Variants in LAMP3 observed in about 807,000 individuals in gnomAD.
The protein encoded by LAMP3 is lysosome associated membrane protein 3, also known as lysosome-associated membrane glycoprotein 3.
A neutral mutation model predicts 34.8 loss-of-function variants in LAMP3; 26 were observed. The observed-to-expected ratio is 0.75, with a 90% CI of 0.55 to 1.04. The LOEUF (loss-of-function observed/expected upper bound fraction) is 1.04. Among genes scored for constraint, LAMP3 ranks in the 50% least tolerant of loss-of-function variants. The pLI, the probability that LAMP3 is intolerant of heterozygous loss-of-function variation, is 0.00. For synonymous variants in LAMP3, 180 were observed against 201.9 expected (o/e 0.89, Z 0.92); for missense variants, 495 against 524.0 (o/e 0.94, Z 0.54).
chr3:183,158,413 T>C (rs1720881232), intron 1 of LAMP3, among the ~76,000 whole-genome samples: 1 of 152,000 alleles, frequency 6.6e-6, no homozygotes, highest in African/African-American at 2.4e-5. Flanking sequence ...AGCCCAGACT[T>C]TGTCTGGACC....
At chr3:183,131,889 A>AT in intron 5 of LAMP3, 2 of 977,142 alleles carry the variant, frequency 2.0e-6, no homozygotes, top group Non-Finnish European at 2.4e-6. Context: ...TTTTAATAGA[A>AT]TTTTTCCCTC....
chr3:183,153,526 A>T (rs1325418592), intron 2 of LAMP3, among the ~76,000 whole-genome samples, 156 bp downstream of exon 2: 1 of 152,240 alleles, frequency 6.6e-6, no homozygotes, highest in African/African-American at 2.4e-5. Flanking sequence ...ATCCTAAAAC[A>T]TAATCACCTT....
chr3:183,124,610 A>G (rs1355227440), intron 5 of LAMP3, among the ~76,000 whole-genome samples: 1 of 152,174 alleles, frequency 6.6e-6, no homozygotes, highest in African/African-American at 2.4e-5. Flanking sequence ...AGGCGGGCGG[A>G]TCATCTGATG....
chr3:183,134,481 G>A (rs933699977), intron 5 of LAMP3, among the ~76,000 whole-genome samples: 1 of 152,206 alleles, frequency 6.6e-6, no homozygotes. Context: ...AAGAGCAAGT[G>A]TGTACCTTTT....
intron 3 of LAMP3, among the ~76,000 whole-genome samples, chr3:183,147,776 A>C (rs928927212): frequency 1.3e-5 from 2 of 152,152 alleles, no homozygotes; most frequent in Admixed American, 6.5e-5. Flanking sequence ...GTGCAACGGC[A>C]CAATCATAGC....
At position 183,153,842 on chromosome 3, in the gene LAMP3, T is replaced by C; in HGVS notation, c.599A>G (p.Asn200Ser). 1 of 1,609,690 alleles carries C rather than the reference T, an allele frequency of 6.2e-7. No homozygotes were observed. The highest frequency in any genetic ancestry group is 2.2e-5 in the East Asian group (1 of 44,868). Residue 200 changes from asparagine to serine, a missense_variant, in exon 2 of 6, where the codon AAT (asparagine) becomes AGT (serine). Physicochemically the swap from Asn to Ser is conservative, Grantham distance 46. Coordinates refer to ENST00000265598, the MANE Select transcript of LAMP3 (RefSeq NM_014398.4). ...GGCAGGTGCAGCTGTGCGGGTGGTA[T>C]TGTGGGCAGCTGCCGTTGTTCCTGG... Reference protein sequence around the residue: ...HAPGTTAAAHNTTRTAAPAST... With the variant: ...HAPGTTAAAHSTTRTAAPAST...
rs1350246274 is a variant in LAMP3 at position 183,154,322 on chromosome 3, G to A, written c.119C>T (p.Thr40Ile). 1 of 1,613,822 alleles carries A rather than the reference G, an allele frequency of 6.2e-7. No individual in the cohort carries two copies. The highest frequency in any genetic ancestry group is 1.3e-5 in the African/African-American group (1 of 74,884). ...FPETRDYSQP[T>I]AAATVQDIKK... ...TATGTCCTGTACTGTTGCTGCTGCA[G>A]TAGGTTGAGAATAATCTCTGGTTTC... Residue 40 changes from threonine (T) to isoleucine (I), a missense_variant, in exon 2 of 6, where the codon ACT (threonine) becomes ATT (isoleucine). Coordinates refer to ENST00000265598, the MANE Select transcript of LAMP3 (RefSeq NM_014398.4).
In LAMP3 at chr3:183,154,151, G is replaced by T; in HGVS notation, c.290C>A (p.Thr97Asn). The change falls in exon 2 of 6, where the codon ACC becomes AAC. Residue 97 changes from threonine to asparagine, a missense_variant. Physicochemically the swap from Thr to Asn is moderately conservative, Grantham distance 65 (BLOSUM62 0). Transcript: ENST00000265598. ...TPATTKNTAT[T>N]SPITYTLVTT... ...GACCAGGGTGTAGGTAATTGGGCTG[G>T]TGGTTGCAGTGTTTTTTGTAGTCGC... 6.2e-7 allele frequency: 1 copy of T among 1,613,942 alleles called. No individual in the cohort carries two copies. Among genetic ancestry groups the T allele is most frequent in the Non-Finnish European group, 8.5e-7 (1 of 1,179,896 alleles).
chr3:183,138,848 G>T (rs565067232), intron 4 of LAMP3, among the ~76,000 whole-genome samples: 1 of 151,924 alleles, frequency 6.6e-6, no homozygotes, highest in Admixed American at 6.6e-5. Context: ...TTCTCTCTCC[G>T]GGCACACTGG....
In LAMP3 at chr3:183,123,522, GT is replaced by G. The variant is rs1719716005; in HGVS notation, c.*558del. 1 of 153,376 alleles carries G rather than the reference GT, an allele frequency of 6.5e-6. No homozygotes were observed. Among genetic ancestry groups the G allele is most frequent in the South Asian group, 2.0e-4 (1 of 4,918 alleles). 9.5% of individuals were successfully genotyped at this position (153,376 alleles called of 1,614,324 possible). On this transcript the variant is annotated 3_prime_UTR_variant, in exon 6 of 6. Coordinates refer to ENST00000265598, the MANE Select transcript of LAMP3 (RefSeq NM_014398.4). ...TGCCATAAGCCGAGATCGTGCCACT[GT>G]ACTCCAGCCTGGGTGACAAGAGTGA...
chr3:183,145,766 A>C (rs967650713), intron 3 of LAMP3, among the ~76,000 whole-genome samples: 44 of 152,300 alleles, frequency 2.9e-4, no homozygotes, highest in African/African-American at 1.0e-3. Context: ...CTGAGGCAGG[A>C]GAATCACTTG....
chr3:183,148,061 C>T (rs974324871), intron 3 of LAMP3, among the ~76,000 whole-genome samples: 2 of 152,086 alleles, frequency 1.3e-5, no homozygotes, highest in African/African-American at 4.8e-5. Context: ...CAAGAACATA[C>T]ATTGAGGAAA....
intron 3 of LAMP3, among the ~76,000 whole-genome samples, chr3:183,142,902 G>A (rs1185557317): frequency 2.6e-5 from 4 of 152,216 alleles, no homozygotes; most frequent in East Asian, 1.9e-4. Context: ...CTGTGAACCC[G>A]TCCCTGATGG....
intron 5 of LAMP3, among the ~76,000 whole-genome samples, chr3:183,125,768 C>T (rs538784692): frequency 4.3e-4 from 65 of 152,126 alleles, no homozygotes; most frequent in African/African-American, 1.5e-3. Flanking sequence ...TTTTTGCAGC[C>T]TGGAACTCCT....
chr3:183,149,907 G>A (rs1042993783), intron 3 of LAMP3, among the ~76,000 whole-genome samples: 2 of 151,976 alleles, frequency 1.3e-5, no homozygotes, highest in East Asian at 3.9e-4. Context: ...TTAATAAAAA[G>A]TAAATGCGTA....
In LAMP3 at chr3:183,122,817, T is replaced by C. The variant is rs1342630527; in HGVS notation, c.*1264A>G. 6.6e-6 allele frequency: 1 copy of C among 152,224 alleles called. No individual in the cohort carries two copies. The highest frequency in any genetic ancestry group is 1.9e-4 in the East Asian group (1 of 5,196). 9.4% of individuals were successfully genotyped at this position (152,224 alleles called of 1,614,324 possible). ...AACCCATTTCCCTGTAAGGTGAGCG[T>C]ATGCTGGTATGAGGTGTGAGCCTTC... On this transcript the variant is annotated 3_prime_UTR_variant, in exon 6 of 6. Coordinates refer to ENST00000265598, the MANE Select transcript of LAMP3 (RefSeq NM_014398.4).
At chr3:183,151,999 G>A (rs1456679740) in intron 3 of LAMP3, among the ~76,000 whole-genome samples, 3 of 152,202 alleles carry the variant, frequency 2.0e-5, no homozygotes, top group Non-Finnish European at 4.4e-5. Flanking sequence ...TCTGACATTT[G>A]ATTTCGGTTT....
At chr3:183,133,941 C>T (rs757274806) in intron 5 of LAMP3, among the ~76,000 whole-genome samples, 1 of 152,148 alleles carries the variant, frequency 6.6e-6, no homozygotes, top group Non-Finnish European at 1.5e-5. Flanking sequence ...CTTCTTTAGT[C>T]CACCCTCTCA....
At chr3:183,161,151 A>C (rs1173710255) in intron 1 of LAMP3, among the ~76,000 whole-genome samples, 2 of 152,148 alleles carry the variant, frequency 1.3e-5, no homozygotes, top group African/African-American at 4.8e-5. Flanking sequence ...CAGTGAGGGA[A>C]CTGAGCACCC....
Sources: gnomAD v4.1 joint callset for allele counts (sites outside exome capture counted in the v4.1 genomes callset) on GRCh38, gnomAD v4.1.1 for gene constraint, MANE v1.5 for transcripts, NCBI Gene and HGNC (gene_info 2026-07-23, HGNC 2026-07-21) for gene names.